TMED5: variants seen among roughly 807,000 people sequenced by gnomAD.
TMED5 encodes transmembrane emp24 domain-containing protein 5.
A neutral mutation model predicts 23.0 loss-of-function variants in TMED5; 27 were observed. The ratio of observed to expected loss-of-function variants is 1.17; its 90% CI spans 0.86 to 1.62. The LOEUF (loss-of-function observed/expected upper bound fraction) is 1.62, where lower values mean the gene tolerates loss of function less well. Ranked by LOEUF, TMED5 falls within the 40% of genes most tolerant of loss-of-function variation. TMED5 has a pLI of 0.00. For missense variants in TMED5, 248 were observed against 273.7 expected, an observed-to-expected ratio of 0.91 and a Z score of 0.66; for synonymous variants, 97 against 100.8, an observed-to-expected ratio of 0.96 and a Z score of 0.23.
intron 3 of TMED5, among the ~76,000 whole-genome samples, chr1:93,155,163 T>C (rs962306588): frequency 6.6e-6 from 1 of 152,030 alleles, no homozygotes; most frequent in Non-Finnish European, 1.5e-5. Flanking sequence ...GAGGTTGAGA[T>C]TGCAATGAGC....
intron 1 of TMED5, among the ~76,000 whole-genome samples, chr1:93,171,185 T>C (rs1226665598): frequency 6.6e-6 from 1 of 150,814 alleles, no homozygotes; most frequent in Admixed American, 6.6e-5. Context: ...AACGAACAAC[T>C]CCAGACACGC....
intron 1 of TMED5, chr1:93,179,836 G>A (rs993790001): frequency 1.9e-6 from 1 of 526,988 alleles, no homozygotes. Context: ...GAGAAGGCGG[G>A]TAGTCATCAA....
rs1018409420 is a variant in TMED5 at position 93,150,962 on chromosome 1, C to T, written c.*3708G>A. ...AACAAAAACAACACAAGTACTAAAA[C>T]GAGGGTTTTTGTTTGTAAAACTGTC... is the stretch of plus-strand genomic sequence containing the variant. On this transcript the variant is annotated 3_prime_UTR_variant, in exon 4 of 4. Transcript: ENST00000370282. 6.6e-6 allele frequency: 1 copy of T among 152,116 alleles called. No individual in the cohort carries two copies. The highest frequency in any genetic ancestry group is 1.5e-5 in the Non-Finnish European group (1 of 68,012). The allele number at this position is 152,116 out of a possible 1,614,324, so 9.4% of individuals were successfully genotyped here.
intron 1 of TMED5, chr1:93,161,767 G>A (rs543449904): frequency 1.4e-4 from 21 of 152,226 alleles, no homozygotes; most frequent in African/African-American, 4.3e-4. Context: ...GCATAAACTT[G>A]TAGGTACCTT....
Position 93,180,392 on chromosome 1 carries a change from C to T in TMED5, c.-150G>A. The T allele has an allele frequency of 3.2e-6, 4 of 1,252,344 alleles. No individual in the cohort carries two copies. Among genetic ancestry groups the T allele is most frequent in the African/African-American group, 1.6e-5 (1 of 64,320 alleles). The allele number at this position is 1,252,344 out of a possible 1,614,324, so 77.6% of individuals were successfully genotyped here. On this transcript the variant is annotated 5_prime_UTR_variant, in exon 1 of 4. Transcript: ENST00000370282. The stretch of plus-strand genomic sequence containing the variant: ...CCGCGGCGGCGGCGAACACTCCCTC[C>T]GAAAGAGAAGCGCAGTTCTCCAAAG...
At chr1:93,162,871 G>T (rs1021812652) in intron 1 of TMED5, 1 of 152,148 alleles carries the variant, frequency 6.6e-6, no homozygotes, top group Admixed American at 6.6e-5. Context: ...TGTAGTCAAT[G>T]TTCCCAAGTA....
At chr1:93,172,329 C>T (rs1330429037) in intron 1 of TMED5, among the ~76,000 whole-genome samples, 2 of 152,194 alleles carry the variant, frequency 1.3e-5, no homozygotes, top group African/African-American at 2.4e-5. Flanking sequence ...AAAAACCCGT[C>T]CCGGAACTAA....
At chr1:93,179,036 G>A (rs1480017332) in intron 1 of TMED5, among the ~76,000 whole-genome samples, 1 of 152,050 alleles carries the variant, frequency 6.6e-6, no homozygotes, top group Non-Finnish European at 1.5e-5. Context: ...ATAAAATAAG[G>A]TAATTCCCAG....
In TMED5 at chr1:93,154,293, G is replaced by C. The variant is rs1252193824; in HGVS notation, c.*377C>G. 1 of 167,470 alleles carries C rather than the reference G, an allele frequency of 6.0e-6. No individual in the cohort carries two copies. Among genetic ancestry groups the C allele is most frequent in the African/African-American group, 2.4e-5 (1 of 41,910 alleles). The allele number at this position is 167,470 out of a possible 1,614,324, so 10.4% of individuals were successfully genotyped here. A position where few individuals can be genotyped will look rare whatever the true frequency, so the allele number is the denominator to read the frequency against. Reference sequence around the variant, plus strand: ...CTTCCACAGTTAATTTGTAACTGCCGCATTTACAAAAAAGTTCTGGGTAAT... The same window carrying C: ...CTTCCACAGTTAATTTGTAACTGCCCCATTTACAAAAAAGTTCTGGGTAAT... On this transcript the variant is annotated 3_prime_UTR_variant, in exon 4 of 4. Coordinates refer to ENST00000370282, the MANE Select transcript of TMED5 (RefSeq NM_016040.5).
chr1:93,178,932 C>G (rs553132872), intron 1 of TMED5, among the ~76,000 whole-genome samples: 57 of 152,320 alleles, frequency 3.7e-4, no homozygotes, highest in African/African-American at 1.4e-3. Flanking sequence ...AATGCCTTTT[C>G]TTTCCCCCCT....
chr1:93,164,543 T>C (rs1249782449), intron 1 of TMED5, among the ~76,000 whole-genome samples: 1 of 152,060 alleles, frequency 6.6e-6, no homozygotes, highest in Non-Finnish European at 1.5e-5. Context: ...AAAAACAATA[T>C]AAGTTCACCA....
chr1:93,169,725 G>C (rs1325858144), intron 1 of TMED5, among the ~76,000 whole-genome samples: 1 of 151,988 alleles, frequency 6.6e-6, no homozygotes, highest in Non-Finnish European at 1.5e-5. Context: ...ATAAAAGCTG[G>C]GTCATCATTA....
intron 1 of TMED5, among the ~76,000 whole-genome samples, chr1:93,166,887 T>C (rs1466410155): frequency 6.6e-6 from 1 of 152,202 alleles, no homozygotes; most frequent in Non-Finnish European, 1.5e-5. Context: ...AGTAGTTTCA[T>C]AGTTTGAGGT....
intron 3 of TMED5, among the ~76,000 whole-genome samples, chr1:93,155,107 T>A (rs1648018279): frequency 6.6e-6 from 1 of 151,990 alleles, no homozygotes; most frequent in Non-Finnish European, 1.5e-5. Flanking sequence ...CCAAGTGTGG[T>A]CCCAGCTACT....
At chr1:93,174,858 A>G (rs1392651602) in intron 1 of TMED5, among the ~76,000 whole-genome samples, 1 of 152,064 alleles carries the variant, frequency 6.6e-6, no homozygotes, top group East Asian at 1.9e-4. Flanking sequence ...TTCATGGTGT[A>G]TATGTACCAC....
intron 1 of TMED5, 23 bp from the exon 2 acceptor site, chr1:93,160,249 A>G (rs1199862092): frequency 1.4e-6 from 2 of 1,398,540 alleles, no homozygotes; most frequent in East Asian, 4.6e-5. Flanking sequence ...ATACATGAGA[A>G]AAACATATAT....
intron 1 of TMED5, among the ~76,000 whole-genome samples, chr1:93,164,271 A>G (rs528995060): frequency 6.6e-6 from 1 of 152,230 alleles, no homozygotes; most frequent in Non-Finnish European, 1.5e-5. Context: ...AAGACATGAA[A>G]ACTAGAGTGG....
chr1:93,157,288 GAATT>G (rs1282740082), intron 2 of TMED5, among the ~76,000 whole-genome samples: 2 of 151,878 alleles, frequency 1.3e-5, no homozygotes, highest in African/African-American at 2.4e-5. Context: ...CTTTTTTTGA[GAATT>G]AAATAAAACT....
chr1:93,170,215 C>A (rs1179299352), intron 1 of TMED5, among the ~76,000 whole-genome samples: 1 of 152,242 alleles, frequency 6.6e-6, no homozygotes, highest in Non-Finnish European at 1.5e-5. Context: ...GAGCCCCTTT[C>A]TGGGCTGGCC....
Sources: gnomAD v4.1 joint callset for allele counts (sites outside exome capture counted in the v4.1 genomes callset) on GRCh38, gnomAD v4.1.1 for gene constraint, MANE v1.5 for transcripts, NCBI Gene and HGNC (gene_info 2026-07-23, HGNC 2026-07-21) for gene names.